The following UFM1 variants were observed in gnomAD, a reference collection of about 807,000 sequenced individuals.
UFM1 encodes the protein ubiquitin fold modifier 1.
In UFM1, 9 loss-of-function variants were observed where a neutral mutation model predicts 15.4. The ratio of observed to expected loss-of-function variants is 0.59; its 90% CI spans 0.35 to 1.02. The LOEUF is 1.02. UFM1 is among the 50% of genes least tolerant of loss of function. UFM1 has a pLI of 0.02. For synonymous variants in UFM1, 27 were observed against 36.3 expected (o/e 0.74, Z 0.92); for missense variants, 98 against 104.7 (o/e 0.94, Z 0.28).
rs1023429303 is a variant in UFM1, at chr13:38,362,273, T to G, written c.*1495T>G. 2 of 151,954 alleles carry G rather than the reference T, an allele frequency of 1.3e-5. No individual in the cohort carries two copies. The highest frequency in any genetic ancestry group is 4.8e-5 in the African/African-American group (2 of 41,388). The allele number at this position is 151,954 out of a possible 1,614,324, so 9.4% of individuals were successfully genotyped here. A position where few individuals can be genotyped will look rare whatever the true frequency, so the allele number is the denominator to read the frequency against. ...TTCTCTATCATAGGCCCTAAGTTCA[T>G]TGGGGGAAAAAAAATAAGAAGATTC... is the stretch of plus-strand genomic sequence containing the variant. On this transcript the variant is annotated 3_prime_UTR_variant, in exon 6 of 6. Transcript: ENST00000239878.
chr13:38,356,531 T>A (rs1407308171), intron 3 of UFM1, among the ~76,000 whole-genome samples: 1 of 151,842 alleles, frequency 6.6e-6, no homozygotes, highest in African/African-American at 2.4e-5. Flanking sequence ...CATAATACTA[T>A]AACAAATAAT....
chr13:38,349,984 C>T lies in UFM1; in HGVS notation c.3-15C>T. On this transcript the variant is annotated splice_polypyrimidine_tract_variant and intron_variant, in intron 1 of 5. Coordinates refer to ENST00000239878, the MANE Select transcript of UFM1 (RefSeq NM_016617.4). ...CAGCTGCCCGACCCTGACTCTCTCC[C>T]GCTCTTTTCCTCAGGTCGAAGGTTT... The T allele has an allele frequency of 6.2e-7, 1 of 1,614,050 alleles. No individual in the cohort carries two copies. The highest frequency in any genetic ancestry group is 8.5e-7 in the Non-Finnish European group (1 of 1,179,890).
rs190055035 is a variant in UFM1 at position 38,358,289 on chromosome 13, A to G, written c.157+157A>G. On this transcript the variant is annotated intron_variant, in intron 4 of 5. Transcript: ENST00000239878. ...TAAACACTAAGTCAGGGTTATTGTTAATAATTAGCTCCTTTCATTTCTTTG... is the reference window on the plus strand; with the variant it reads ...TAAACACTAAGTCAGGGTTATTGTTGATAATTAGCTCCTTTCATTTCTTTG... 2.9e-3 allele frequency among the ~76,000 whole-genome samples: 434 copies of G among 151,944 alleles called. 1 individual carries two copies. The highest frequency in any genetic ancestry group is 0.01 in the African/African-American group (418 of 41,518).
At chr13:38,355,916 G>C (rs74868151) in intron 3 of UFM1, among the ~76,000 whole-genome samples, 4,787 of 151,850 alleles carry the variant, frequency 0.032, 280 homozygotes, top group African/African-American at 0.11. Flanking sequence ...GCCTTAGTAA[G>C]CAATAATAAA....
At chr13:38,354,577 A>C (rs919672246) in intron 3 of UFM1, 10 of 287,082 alleles carry the variant, frequency 3.5e-5, no homozygotes, top group Non-Finnish European at 6.4e-5. Context: ...CTGATTTTTA[A>C]ATGTTTTTTA....
At chr13:38,356,632 A>G (rs1484761375) in intron 3 of UFM1, among the ~76,000 whole-genome samples, 1 of 146,678 alleles carries the variant, frequency 6.8e-6, no homozygotes, top group African/African-American at 2.5e-5. Context: ...AACTATGTAT[A>G]TGTAATGATT....
Position 38,349,879 on chromosome 13 carries a change from C to G in UFM1, c.-41C>G. ...ACACTAGAGGAAGTCGTGCTACCCC[C>G]GCGGAGTTGTCGTGTGTTCTGGATT... On this transcript the variant is annotated 5_prime_UTR_variant, in exon 1 of 6. Transcript: ENST00000239878. 1 of 1,614,086 alleles carries G rather than the reference C, an allele frequency of 6.2e-7. No homozygotes were observed. Among genetic ancestry groups the G allele is most frequent in the Non-Finnish European group, 8.5e-7 (1 of 1,180,042 alleles).
intron 5 of UFM1, among the ~76,000 whole-genome samples, 190 bp from the exon 6 acceptor site, chr13:38,360,521 G>A (rs1257203769): frequency 3.3e-5 from 5 of 151,918 alleles, no homozygotes; most frequent in Non-Finnish European, 7.4e-5. Flanking sequence ...AATTTTAAGC[G>A]TATGTTGGAT....
At chr13:38,350,779 ATAAT>A (rs1347227967) in intron 2 of UFM1, among the ~76,000 whole-genome samples, 2 of 152,324 alleles carry the variant, frequency 1.3e-5, no homozygotes, top group East Asian at 1.9e-4. Flanking sequence ...AATTTTTTGC[ATAAT>A]TAATTAGTAC....
chr13:38,350,638 TA>T (rs1375046036), intron 2 of UFM1, among the ~76,000 whole-genome samples: 2 of 152,186 alleles, frequency 1.3e-5, no homozygotes, highest in Non-Finnish European at 2.9e-5. Flanking sequence ...GAAATGCAGA[TA>T]GGGGATAGTT....
At chr13:38,354,516 A>T (rs1879008164) in intron 3 of UFM1, 1 of 380,260 alleles carries the variant, frequency 2.6e-6, no homozygotes, top group African/African-American at 2.1e-5. Flanking sequence ...ATTGAAAATT[A>T]TAAGAATTTA....
intron 3 of UFM1, among the ~76,000 whole-genome samples, chr13:38,355,190 C>T (rs1323031711): frequency 6.6e-6 from 1 of 152,010 alleles, no homozygotes; most frequent in Admixed American, 6.6e-5. Context: ...CAATCCTGCC[C>T]TGTACTTCAC....
At position 38,360,985 on chromosome 13, in the gene UFM1, A is replaced by G; in HGVS notation, c.*207A>G. 2.4e-6 allele frequency: 1 copy of G among 420,802 alleles called. No homozygotes were observed. The allele number at this position is 420,802 out of a possible 1,614,324, so 26.1% of individuals were successfully genotyped here. ...GAATTAAGGCTACTACTGTCACAGA[A>G]GATCATAGTCTTTGATGCTACCTCA... On this transcript the variant is annotated 3_prime_UTR_variant, in exon 6 of 6. Coordinates refer to ENST00000239878, the MANE Select transcript of UFM1 (RefSeq NM_016617.4).
In UFM1 at chr13:38,351,425, T is replaced by C. The variant is rs527484534; in HGVS notation, c.59+1370T>C. On this transcript the variant is annotated intron_variant, in intron 2 of 5. Transcript: ENST00000239878. ...AAAATTTCAAACTTTCCACAGCTGC[T>C]GTCTCCCTTGCTATCAAGCCATCAG... 4.7e-4 allele frequency among the ~76,000 whole-genome samples: 71 copies of C among 152,360 alleles called. 1 individual carries two copies. Among genetic ancestry groups the C allele is most frequent in the African/African-American group, 1.5e-3 (63 of 41,588 alleles).
Position 38,363,496 on chromosome 13 carries a change from G to GAATAAAAAAAA in UFM1, c.*2720_*2721insTAAAAAAAAAA, listed in dbSNP as rs1879515938. 1 of 144,112 alleles carries GAATAAAAAAAA rather than the reference G, an allele frequency of 6.9e-6. No individual in the cohort carries two copies. Among genetic ancestry groups the GAATAAAAAAAA allele is most frequent in the Non-Finnish European group, 1.5e-5 (1 of 66,264 alleles). The allele number at this position is 144,112 out of a possible 1,614,324, so 8.9% of individuals were successfully genotyped here. A position where few individuals can be genotyped will look rare whatever the true frequency, so the allele number is the denominator to read the frequency against. Reference sequence around the variant, plus strand: ...CAAATGCCTGTCCATTTTACAGACGGAAAAAAAAAAAAAAAAAGTTGAGAA... The same window carrying GAATAAAAAAAA: ...CAAATGCCTGTCCATTTTACAGACGGAATAAAAAAAAAAAAAAAAAAAAAAAAAGTTGAGAA... On this transcript the variant is annotated 3_prime_UTR_variant, in exon 6 of 6. Coordinates refer to ENST00000239878, the MANE Select transcript of UFM1 (RefSeq NM_016617.4).
intron 2 of UFM1, among the ~76,000 whole-genome samples, chr13:38,353,873 G>A (rs1250030285): frequency 6.6e-6 from 1 of 152,052 alleles, no homozygotes; most frequent in Non-Finnish European, 1.5e-5. Context: ...TAGATGGGAG[G>A]TAAAGTGGAC....
rs376083418 is a variant in UFM1 at position 38,349,890 on chromosome 13, C to T, written c.-30C>T. On this transcript the variant is annotated 5_prime_UTR_variant, in exon 1 of 6. Transcript: ENST00000239878. ...AGTCGTGCTACCCCCGCGGAGTTGT[C>T]GTGTGTTCTGGATTCATTCCGGCAC... 1.2e-5 allele frequency: 19 copies of T among 1,613,946 alleles called. No individual in the cohort carries two copies. In the African/African-American group the frequency reaches 1.9e-4, roughly 16 times the overall value.
At chr13:38,356,007 C>T (rs1010576997) in intron 3 of UFM1, among the ~76,000 whole-genome samples, 5 of 151,622 alleles carry the variant, frequency 3.3e-5, no homozygotes, top group Admixed American at 1.3e-4. Flanking sequence ...TATGGGGGAT[C>T]GGAGGAGGAA....
intron 3 of UFM1, 48 bp from the exon 4 acceptor site, chr13:38,358,037 TTGTGTGTG>T (rs71673975): frequency 2.2e-5 from 11 of 490,078 alleles, no homozygotes; most frequent in African/African-American, 8.3e-5. Flanking sequence ...TCTTATAGTT[TTGTGTGTG>T]TGTGTGTGTG....
Sources: gnomAD v4.1 joint callset for allele counts (sites outside exome capture counted in the v4.1 genomes callset) on GRCh38, gnomAD v4.1.1 for gene constraint, MANE v1.5 for transcripts, NCBI Gene and HGNC (gene_info 2026-07-23, HGNC 2026-07-21) for gene names.